The following LMO1 variants were observed in gnomAD, a reference collection of about 807,000 sequenced individuals.
The protein encoded by LMO1 is rhombotin-1.
In LMO1, 10 loss-of-function variants were observed where a neutral mutation model predicts 18.0. The ratio of observed to expected loss-of-function variants is 0.55; its 90% CI spans 0.34 to 0.94. The LOEUF is 0.94. Ranked by LOEUF, LMO1 falls within the 40% of genes least tolerant of loss-of-function variation. The probability of loss-of-function intolerance (pLI) is 0.02; values close to 1 mark genes in which losing one functional copy is unlikely to be tolerated. For synonymous variants in LMO1, 77 were observed against 77.9 expected (o/e 0.99, Z 0.06); for missense variants, 183 against 205.7 (o/e 0.89, Z 0.68).
intron 1 of LMO1, among the ~76,000 whole-genome samples, chr11:8,256,254 C>A (rs940807343): frequency 6.6e-6 from 1 of 152,214 alleles, no homozygotes; most frequent in Non-Finnish European, 1.5e-5. Context: ...TTCATACAAG[C>A]ATGAAACTTT....
intron 1 of LMO1, among the ~76,000 whole-genome samples, chr11:8,259,030 A>G (rs973190061): frequency 2.0e-5 from 3 of 152,198 alleles, no homozygotes; most frequent in Admixed American, 6.5e-5. Flanking sequence ...TCCCCTCGCT[A>G]ATGCCAATTG....
intron 1 of LMO1, among the ~76,000 whole-genome samples, chr11:8,251,889 G>C (rs1847004003): frequency 7.1e-6 from 1 of 140,378 alleles, no homozygotes; most frequent in African/African-American, 2.6e-5. Flanking sequence ...GTGTGTATAG[G>C]TGTGTATGGG....
At chr11:8,245,320 T>G (rs1565182973) in intron 1 of LMO1, among the ~76,000 whole-genome samples, 2 of 152,112 alleles carry the variant, frequency 1.3e-5, no homozygotes, top group Admixed American at 6.5e-5. Context: ...TGGGTTCAAG[T>G]TCAGGCTCTG....
At chr11:8,260,722 G>A (rs1295875811) in intron 1 of LMO1, among the ~76,000 whole-genome samples, 1 of 152,070 alleles carries the variant, frequency 6.6e-6, no homozygotes, top group South Asian at 2.1e-4. Context: ...TTTGGTCCTC[G>A]GCAGCTGGCA....
At chr11:8,244,932 G>A (rs1050748483) in intron 1 of LMO1, among the ~76,000 whole-genome samples, 1 of 152,300 alleles carries the variant, frequency 6.6e-6, no homozygotes, top group African/African-American at 2.4e-5. Flanking sequence ...CCAGAAGCCA[G>A]CCACTTCTCC....
intron 1 of LMO1, among the ~76,000 whole-genome samples, chr11:8,247,058 C>T (rs1846907216): frequency 6.6e-6 from 1 of 152,240 alleles, no homozygotes. Context: ...CATCTGCTTC[C>T]ACAACTGCAT....
At chr11:8,242,241 G>A (rs564649579) in intron 1 of LMO1, among the ~76,000 whole-genome samples, 1 of 152,298 alleles carries the variant, frequency 6.6e-6, no homozygotes, top group South Asian at 2.1e-4. Context: ...TTATCCTTTA[G>A]ATAAAAGAGC....
intron 1 of LMO1, among the ~76,000 whole-genome samples, chr11:8,258,028 G>A (rs1418291954): frequency 1.3e-5 from 2 of 152,206 alleles, no homozygotes; most frequent in Non-Finnish European, 2.9e-5. Context: ...CTGTAGAGAC[G>A]AGAAGGTAGA....
chr11:8,260,395 C>G lies in LMO1; in HGVS notation c.25+2943G>C, dbSNP rs142602839. ...CAGACCCAGCAGCATGTAGAAAGCCCGGACCCTGAGTTCCAGTAAAGTGGA... is the reference window on the plus strand; with the variant it reads ...CAGACCCAGCAGCATGTAGAAAGCCGGGACCCTGAGTTCCAGTAAAGTGGA... On this transcript the variant is annotated intron_variant, in intron 1 of 3. Coordinates refer to ENST00000335790, the MANE Select transcript of LMO1 (RefSeq NM_002315.3). Among the ~76,000 whole-genome samples the G allele has an allele frequency of 2.3e-3, 353 of 152,240 alleles. 2 individuals are homozygous for G. Among genetic ancestry groups the G allele is most frequent in the African/African-American group, 7.6e-3 (317 of 41,548 alleles).
At chr11:8,246,744 T>A (rs549593985) in intron 1 of LMO1, among the ~76,000 whole-genome samples, 1 of 151,894 alleles carries the variant, frequency 6.6e-6, no homozygotes, top group Admixed American at 6.6e-5. Context: ...TAAATATTCC[T>A]TTGAGAACAG....
chr11:8,263,640 A>G lies in LMO1; in HGVS notation c.-278T>C. 1 of 1,338,210 alleles carries G rather than the reference A, an allele frequency of 7.5e-7. No homozygotes were observed. Among genetic ancestry groups the G allele is most frequent in the Non-Finnish European group, 9.5e-7 (1 of 1,049,142 alleles). The allele number at this position is 1,338,210 out of a possible 1,614,324, so 82.9% of individuals were successfully genotyped here. ...AGGGAGAGGGAGAGAGAAGGGGGAA[A>G]AGAGGATCAGAGCCGTTTCTTTGAT... On this transcript the variant is annotated 5_prime_UTR_variant, in exon 1 of 4. Coordinates refer to ENST00000335790, the MANE Select transcript of LMO1 (RefSeq NM_002315.3).
intron 1 of LMO1, among the ~76,000 whole-genome samples, chr11:8,248,334 C>G (rs1846930409): frequency 6.6e-6 from 1 of 152,234 alleles, no homozygotes; most frequent in African/African-American, 2.4e-5. Context: ...GGCAGGATTC[C>G]TGGTAGTATG....
intron 1 of LMO1, among the ~76,000 whole-genome samples, chr11:8,241,786 CAA>C (rs10706352): frequency 5.9e-5 from 7 of 118,408 alleles, no homozygotes; most frequent in African/African-American, 1.4e-4. Flanking sequence ...CTGTGAGTTT[CAA>C]AAAAAAAAAA....
chr11:8,265,320 T>A (rs138295273), upstream of LMO1, among the ~76,000 whole-genome samples: 135 of 152,020 alleles, frequency 8.9e-4, no homozygotes, highest in Non-Finnish European at 1.6e-3. Flanking sequence ...TGCAGGGGGA[T>A]GGGGGGAGAT....
chr11:8,265,033 G>A (rs1348148531), upstream of LMO1, among the ~76,000 whole-genome samples: 2 of 152,196 alleles, frequency 1.3e-5, no homozygotes, highest in Non-Finnish European at 2.9e-5. Context: ...GCCCAAGGAG[G>A]GCTCCAGACA....
upstream of LMO1, among the ~76,000 whole-genome samples, chr11:8,264,824 G>A (rs1000244484): frequency 6.6e-6 from 1 of 152,142 alleles, no homozygotes; most frequent in Admixed American, 6.5e-5. Context: ...GTAGAGACGG[G>A]GTTTTACCAT....
intron 1 of LMO1, among the ~76,000 whole-genome samples, chr11:8,237,627 G>A (rs1404273695): frequency 1.3e-5 from 2 of 152,248 alleles, no homozygotes; most frequent in African/African-American, 2.4e-5. Flanking sequence ...TGCAGGCAGC[G>A]TGTTCACTGT....
At chr11:8,233,087 G>T (rs1367137407) in intron 1 of LMO1, among the ~76,000 whole-genome samples, 2 of 152,200 alleles carry the variant, frequency 1.3e-5, no homozygotes, top group Non-Finnish European at 2.9e-5. Flanking sequence ...GCACAGGCAG[G>T]TTACCTTAAG....
chr11:8,246,224 A>G (rs775045690), intron 1 of LMO1, among the ~76,000 whole-genome samples: 8 of 152,234 alleles, frequency 5.3e-5, no homozygotes, highest in Non-Finnish European at 1.0e-4. Flanking sequence ...ATAGGTCTTA[A>G]CAAAAATTTG....
Sources: allele counts gnomAD v4.1 joint callset (sites outside exome capture counted in the v4.1 genomes callset), GRCh38; gene constraint gnomAD v4.1.1; transcripts MANE v1.5; gene names NCBI Gene and HGNC (gene_info 2026-07-23, HGNC 2026-07-21).